Variants in MLPH observed in about 807,000 individuals in gnomAD.
The protein encoded by MLPH is melanophilin.
A neutral mutation model predicts 72.1 loss-of-function variants in MLPH; 51 were observed. The ratio of observed to expected loss-of-function variants is 0.71; its 90% CI spans 0.56 to 0.89. MLPH has a LOEUF of 0.89. MLPH is among the 40% of genes least tolerant of loss of function. MLPH has a pLI of 0.00. For missense variants in MLPH, 743 were observed against 759.9 expected (o/e 0.98, Z 0.26); for synonymous variants, 301 against 310.1 (o/e 0.97, Z 0.31).
rs769594237 is a variant in MLPH, at chr2:237,510,777, A to G, written c.314A>G (p.Asp105Gly). The change falls in exon 3 of 16, where the codon GAC becomes GGC. Residue 105 changes from aspartate (D) to glycine (G), a missense_variant. Transcript: ENST00000264605. The surrounding 1 kb of genome is among the most constrained non-coding windows in gnomAD (Gnocchi z 4.4). ...CCGGAGGAGCAGGGCTGGATCTGTG[A>G]CCCCTGCCATCTGGCCAGGTGAGCC... ...VHPEEQGWICDPCHLARVVKI... is the reference protein window; with the variant it reads ...VHPEEQGWICGPCHLARVVKI... 1 of 1,613,338 alleles carries G rather than the reference A, an allele frequency of 6.2e-7. No homozygotes were observed. Among genetic ancestry groups the G allele is most frequent in the East Asian group, 2.2e-5 (1 of 44,868 alleles).
intron 4 of MLPH, among the ~76,000 whole-genome samples, chr2:237,516,814 TGGATGGATGGATGGTA>T (rs558432871): frequency 6.8e-6 from 1 of 146,998 alleles, no homozygotes; most frequent in Non-Finnish European, 1.5e-5. Flanking sequence ...GATGGATGGA[TGGATGGATGGATGGTA>T]GGATGGATGG....
In MLPH at chr2:237,517,738, TG is replaced by T. The variant is rs1365968712; in HGVS notation, c.446-799del. ...ATGGATAAGTAAGTGGGTGGATGGA[TG>T]GATGGATGGATGGATGGATGGATGG... On this transcript the variant is annotated intron_variant, in intron 4 of 15. Coordinates refer to ENST00000264605, the MANE Select transcript of MLPH (RefSeq NM_024101.7). Among the ~76,000 whole-genome samples the T allele has an allele frequency of 3.4e-3, 216 of 62,708 alleles. 1 individual carries two copies. The highest frequency in any genetic ancestry group is 0.032 in the African/African-American group (196 of 6,148). 41.1% of individuals were successfully genotyped at this position (62,708 alleles called of 152,430 possible).
rs967863762 is a variant in MLPH at position 237,510,341 on chromosome 2, G to C, written c.111-233G>C. Reference sequence around the variant, plus strand: ...GCAATATCATTTCTATGAAATTAACGTGTTTCCATTCCATTCCAGCCACCA... The same window carrying C: ...GCAATATCATTTCTATGAAATTAACCTGTTTCCATTCCATTCCAGCCACCA... On this transcript the variant is annotated intron_variant, in intron 2 of 15. Coordinates refer to ENST00000264605, the MANE Select transcript of MLPH (RefSeq NM_024101.7). The surrounding 1 kb of genome is among the most constrained non-coding windows in gnomAD (Gnocchi z 4.4). The C allele has an allele frequency of 1.3e-5, 8 of 597,096 alleles. No individual in the cohort carries two copies. The highest frequency in any genetic ancestry group is 2.9e-5 in the Admixed American group (1 of 34,452). 37.0% of individuals were successfully genotyped at this position (597,096 alleles called of 1,614,324 possible). A position where few individuals can be genotyped will look rare whatever the true frequency, so the allele number is the denominator to read the frequency against.
At chr2:237,533,390 C>CTTTTTTTT (rs746139615) in intron 8 of MLPH, among the ~76,000 whole-genome samples, 119 of 107,986 alleles carry the variant, frequency 1.1e-3, no homozygotes, top group Non-Finnish European at 1.3e-3. Flanking sequence ...ATTTTCTTTT[C>CTTTTTTTT]TTTTTTTTTT....
At chr2:237,545,854 C>A (rs2080907578) in intron 12 of MLPH, 1 of 206,096 alleles carries the variant, frequency 4.9e-6, no homozygotes, top group Non-Finnish European at 9.5e-6. Context: ...ACATTTAGGA[C>A]TTACACTAAA....
In MLPH at chr2:237,542,627, T is replaced by G; in HGVS notation, c.1507T>G (p.Ser503Ala). The G allele has an allele frequency of 6.3e-7, 1 of 1,593,944 alleles. No individual in the cohort carries two copies. Among genetic ancestry groups the G allele is most frequent in the Non-Finnish European group, 8.5e-7 (1 of 1,171,516 alleles). ...LRAAGLTVKPSGKPRRKSNLP... is the reference protein window; with the variant it reads ...LRAAGLTVKPAGKPRRKSNLP... ...GGCCGCAGGGCTCACGGTGAAGCCC[T>G]CGGGAAAGCCCCGGAGGAAGTCAAA... is the stretch of plus-strand genomic sequence containing the variant. The change falls in exon 12 of 16, where the codon TCG becomes GCG. Residue 503 changes from serine to alanine, a missense_variant. Physicochemically the swap from Ser to Ala is moderately conservative, Grantham distance 99. Coordinates refer to ENST00000264605, the MANE Select transcript of MLPH (RefSeq NM_024101.7).
intron 2 of MLPH, among the ~76,000 whole-genome samples, chr2:237,503,238 T>C (rs748272511): frequency 1.3e-5 from 2 of 151,856 alleles, no homozygotes; most frequent in African/African-American, 2.4e-5. Context: ...ATGAAAAAAA[T>C]AGGGGCTAAA....
At chr2:237,491,973 G>T (rs2079436710) in intron 1 of MLPH, among the ~76,000 whole-genome samples, 1 of 152,108 alleles carries the variant, frequency 6.6e-6, no homozygotes, top group Non-Finnish European at 1.5e-5. Flanking sequence ...TACTCAGAGG[G>T]GTCTGAGGAC....
At chr2:237,493,828 T>C (rs1322216710) in intron 2 of MLPH, among the ~76,000 whole-genome samples, 12 of 152,184 alleles carry the variant, frequency 7.9e-5, no homozygotes, top group African/African-American at 4.8e-5. Flanking sequence ...CTTTGAAGAA[T>C]AGAGCAAAAG....
At chr2:237,506,858 T>G (rs554287024) in intron 2 of MLPH, among the ~76,000 whole-genome samples, 1 of 152,212 alleles carries the variant, frequency 6.6e-6, no homozygotes, top group South Asian at 2.1e-4. Context: ...ATGGGTGAAT[T>G]CTCCACTTGC....
At chr2:237,537,546 G>A (rs576474413) in intron 9 of MLPH, 2 of 152,296 alleles carry the variant, frequency 1.3e-5, no homozygotes, top group South Asian at 4.2e-4. Flanking sequence ...TGTGATTTGG[G>A]GGCTTTGTCA....
chr2:237,529,305 A>G (rs764892418), intron 8 of MLPH, among the ~76,000 whole-genome samples: 2 of 152,166 alleles, frequency 1.3e-5, no homozygotes, highest in African/African-American at 2.4e-5. Flanking sequence ...GGCCTCCCAA[A>G]GTGTTGGGAT....
chr2:237,507,836 A>G, intron 2 of MLPH, among the ~76,000 whole-genome samples: 1 of 152,228 alleles, frequency 6.6e-6, no homozygotes, highest in East Asian at 1.9e-4. Flanking sequence ...CCAAGTACCC[A>G]AGTCGAAACA....
chr2:237,518,532 A>G lies in MLPH; in HGVS notation c.446-7A>G. On this transcript the variant is annotated splice_polypyrimidine_tract_variant and splice_region_variant and intron_variant, in intron 4 of 15. Coordinates refer to ENST00000264605, the MANE Select transcript of MLPH (RefSeq NM_024101.7). ...CTTGGGTGGAGTCATGCAGGTATCT[A>G]TTGCAGCTGGGCCTGAACTGATATC... is the stretch of plus-strand genomic sequence containing the variant. 2 of 1,609,150 alleles carry G rather than the reference A, an allele frequency of 1.2e-6. No homozygotes were observed. The highest frequency in any genetic ancestry group is 2.2e-5 in the East Asian group (1 of 44,820).
chr2:237,542,675 T>G lies in MLPH; in HGVS notation c.1539+16T>G. On this transcript the variant is annotated intron_variant, in intron 12 of 15. Coordinates refer to ENST00000264605, the MANE Select transcript of MLPH (RefSeq NM_024101.7). ...AAACCTCCCGGTGAGTGGGGGGCAGTGGTGAGTGGAGACAGTGCTGAGTGG... is the reference window on the plus strand; with the variant it reads ...AAACCTCCCGGTGAGTGGGGGGCAGGGGTGAGTGGAGACAGTGCTGAGTGG... The G allele has an allele frequency of 7.4e-7, 1 of 1,354,500 alleles. No individual in the cohort carries two copies. The highest frequency in any genetic ancestry group is 9.8e-7 in the Non-Finnish European group (1 of 1,017,434). 83.9% of individuals were successfully genotyped at this position (1,354,500 alleles called of 1,614,324 possible).
At chr2:237,506,382 A>G (rs1453227292) in intron 2 of MLPH, among the ~76,000 whole-genome samples, 1 of 152,228 alleles carries the variant, frequency 6.6e-6, no homozygotes, top group Non-Finnish European at 1.5e-5. Context: ...CAAGCCACAG[A>G]CAAGAACTCC....
At chr2:237,506,540 G>A (rs1029270954) in intron 2 of MLPH, among the ~76,000 whole-genome samples, 3 of 152,242 alleles carry the variant, frequency 2.0e-5, no homozygotes, top group Non-Finnish European at 4.4e-5. Context: ...AGAGGGTCAT[G>A]ATCGATTGAG....
Position 237,541,034 on chromosome 2 carries a change from C to G in MLPH, c.1446+77C>G. Reference sequence around the variant, plus strand: ...CCACACCCAGGCCTTGAACATCTGCCAGCTCTAACATCCGCCAGCTCACAC... The same window carrying G: ...CCACACCCAGGCCTTGAACATCTGCGAGCTCTAACATCCGCCAGCTCACAC... On this transcript the variant is annotated intron_variant, in intron 11 of 15. Transcript: ENST00000264605. This position sits in a 1 kb window ranked among gnomAD's most constrained non-coding sequence, Gnocchi z 5.1. 6.6e-7 allele frequency: 1 copy of G among 1,514,894 alleles called. No homozygotes were observed. The highest frequency in any genetic ancestry group is 9.0e-7 in the Non-Finnish European group (1 of 1,116,030). 93.8% of individuals were successfully genotyped at this position (1,514,894 alleles called of 1,614,324 possible).
rs1173832235 is a variant in MLPH, at chr2:237,493,534, A to G, written c.108A>G (p.Leu36=). The change falls in exon 2 of 16, where the codon CTA becomes CTG. Residue 36 remains leucine (L), a splice_region_variant and synonymous_variant. Transcript: ENST00000264605. The part of the protein sequence containing the change: ...FDLRRKEEER[L]EALKGKIKKE... Reference sequence around the variant, plus strand: ...TCCGAAGGAAAGAAGAGGAACGGCTAGAGTGAGTGTGCCGTGCTGAGCCCA... The same window carrying G: ...TCCGAAGGAAAGAAGAGGAACGGCTGGAGTGAGTGTGCCGTGCTGAGCCCA... 8 of 1,612,390 alleles carry G rather than the reference A, an allele frequency of 5.0e-6. 1 individual carries two copies. In the South Asian group the frequency reaches 5.5e-5, roughly 11 times the overall value.
Sources: allele counts gnomAD v4.1 joint callset (sites outside exome capture counted in the v4.1 genomes callset), GRCh38; gene constraint gnomAD v4.1.1; non-coding constraint Gnocchi (gnomAD v3.1); transcripts MANE v1.5; gene names NCBI Gene and HGNC (gene_info 2026-07-23, HGNC 2026-07-21).